Variants in ZFYVE9 observed in about 807,000 individuals in gnomAD.
ZFYVE9 encodes zinc finger FYVE-type containing 9, also known as zinc finger FYVE domain-containing protein 9.
ZFYVE9 carries 43 observed loss-of-function variants against 126.7 expected under a neutral mutation model. The observed-to-expected ratio is 0.34, with a 90% CI of 0.27 to 0.44. ZFYVE9 has a LOEUF of 0.44. ZFYVE9 is among the 20% of genes least tolerant of loss of function. The probability of loss-of-function intolerance (pLI) is 1.00; values close to 1 mark genes in which losing one functional copy is unlikely to be tolerated. For synonymous variants in ZFYVE9, 521 were observed against 597.4 expected (o/e 0.87, Z 1.87); for missense variants, 1,476 against 1,697.0 (o/e 0.87, Z 2.29).
chr1:52,346,213 A>G lies in ZFYVE9; in HGVS notation c.4270A>G (p.Ile1424Val). 6.3e-7 allele frequency: 1 copy of G among 1,597,604 alleles called. No homozygotes were observed. The highest frequency in any genetic ancestry group is 2.2e-5 in the East Asian group (1 of 44,486). Reference sequence around the variant, plus strand: ...ACTCATCTTTTATATTCTGGAAAACATCGTATAAACAGAGAAGACTTCATT... The same window carrying G: ...ACTCATCTTTTATATTCTGGAAAACGTCGTATAAACAGAGAAGACTTCATT... ...MELIFYILEN[I>V]V Residue 1424 changes from isoleucine to valine, a missense_variant, in exon 19 of 19, where the codon ATC becomes GTC. Around this residue, in one of 2 missense-constraint regions of ZFYVE9, gnomAD observed 669 missense variants for 902.4 expected, o/e 0.74. Coordinates refer to ENST00000287727, the MANE Select transcript of ZFYVE9 (RefSeq NM_004799.4).
At chr1:52,226,026 G>C (rs768172612) in intron 2 of ZFYVE9, among the ~76,000 whole-genome samples, 4 of 152,210 alleles carry the variant, frequency 2.6e-5, no homozygotes, top group Non-Finnish European at 5.9e-5. Flanking sequence ...TTATAGTCCA[G>C]CTTGAGGAGG....
chr1:52,208,240 A>G (rs1013608360), intron 1 of ZFYVE9, among the ~76,000 whole-genome samples: 1 of 152,176 alleles, frequency 6.6e-6, no homozygotes, highest in Non-Finnish European at 1.5e-5. Context: ...TGTTGCTTCT[A>G]CCAAACTCCA....
chr1:52,254,361 C>A, intron 4 of ZFYVE9, among the ~76,000 whole-genome samples: 1 of 145,142 alleles, frequency 6.9e-6, no homozygotes. Context: ...TAATAAAGCT[C>A]ACATATTTTA....
At chr1:52,327,980 A>G (rs556595744) in intron 13 of ZFYVE9, among the ~76,000 whole-genome samples, 2 of 132,940 alleles carry the variant, frequency 1.5e-5, no homozygotes, top group Admixed American at 1.4e-4. Context: ...TCTCAAAAAG[A>G]AAAAAAAAAA....
chr1:52,268,871 T>G (rs1645660181), intron 7 of ZFYVE9, among the ~76,000 whole-genome samples: 2 of 152,194 alleles, frequency 1.3e-5, no homozygotes, highest in African/African-American at 2.4e-5. Flanking sequence ...GCTCAGGTGC[T>G]CCACTTTAGC....
At chr1:52,156,835 ATTC>A (rs1644406933) in intron 1 of ZFYVE9, among the ~76,000 whole-genome samples, 1 of 137,030 alleles carries the variant, frequency 7.3e-6, no homozygotes, top group African/African-American at 2.6e-5. Flanking sequence ...CTTTAGTGAC[ATTC>A]TTTTTTTTTT....
intron 8 of ZFYVE9, among the ~76,000 whole-genome samples, chr1:52,277,045 T>A (rs753354062): frequency 2.2e-4 from 33 of 152,326 alleles, no homozygotes; most frequent in Non-Finnish European, 4.1e-4. Context: ...TGCATAATGC[T>A]TTTGCTTCTT....
rs139910986 is a variant in ZFYVE9 at position 52,244,140 on chromosome 1, T to TG, written c.2178+4548dup. On this transcript the variant is annotated intron_variant, in intron 4 of 18. Transcript: ENST00000287727. Reference sequence around the variant, plus strand: ...TGGAGCAATGTTTACAGAAGCCAGATGGGAATGGGTTGAAAGTGGAATATG... The same window carrying TG: ...TGGAGCAATGTTTACAGAAGCCAGATGGGGAATGGGTTGAAAGTGGAATATG... Among the ~76,000 whole-genome samples the TG allele has an allele frequency of 7.0e-3, 1,066 of 152,068 alleles. 14 individuals are homozygous for TG. The highest frequency in any genetic ancestry group is 0.024 in the African/African-American group (1,014 of 41,472).
intron 1 of ZFYVE9, among the ~76,000 whole-genome samples, chr1:52,172,277 T>A (rs1644580058): frequency 6.6e-6 from 1 of 151,876 alleles, no homozygotes; most frequent in Non-Finnish European, 1.5e-5. Context: ...CCATTGCTTG[T>A]TTATCTCAGA....
chr1:52,239,162 A>G lies in ZFYVE9; in HGVS notation c.1745A>G (p.Lys582Arg). 1 of 1,614,136 alleles carries G rather than the reference A, an allele frequency of 6.2e-7. No homozygotes were observed. Among genetic ancestry groups the G allele is most frequent in the Non-Finnish European group, 8.5e-7 (1 of 1,180,008 alleles). ...ISVPFGGARP[K>R]QPSNLKLQIP... is the part of the protein sequence containing the mutation. ...GTTCCTTTTGGTGGTGCAAGACCCA[A>G]GCAACCTTCTAATCTTAAACTTCAA... Residue 582 changes from lysine (K) to arginine (R), a missense_variant, in exon 4 of 19, where the codon AAG becomes AGG. By Grantham distance (26) the Lys-to-Arg change is conservative (BLOSUM62 2). Transcript: ENST00000287727.
intron 12 of ZFYVE9, among the ~76,000 whole-genome samples, chr1:52,296,196 T>TA (rs1482705404): frequency 6.7e-6 from 1 of 148,892 alleles, no homozygotes; most frequent in African/African-American, 2.6e-5. Context: ...CACACACACA[T>TA]ATATATATTC....
At chr1:52,283,360 T>C (rs1202183325) in intron 10 of ZFYVE9, among the ~76,000 whole-genome samples, 1 of 152,194 alleles carries the variant, frequency 6.6e-6, no homozygotes, top group African/African-American at 2.4e-5. Context: ...GAAGAACCAT[T>C]GAAAGTATTT....
In ZFYVE9 at chr1:52,337,839, G is replaced by A; in HGVS notation, c.3738G>A (p.Lys1246=). The A allele has an allele frequency of 6.2e-7, 1 of 1,614,252 alleles. No individual in the cohort carries two copies. Among genetic ancestry groups the A allele is most frequent in the South Asian group, 1.1e-5 (1 of 91,086 alleles). ...DSLRQALREM[K]DFTITCGKAD... is the part of the protein sequence containing the mutation. ...TGAGGCAGGCACTGCGAGAGATGAA[G>A]GACTTCACCATCACCTGTGGGAAGG... Residue 1246 remains lysine, a synonymous_variant, in exon 16 of 19, where the codon AAG becomes AAA. Coordinates refer to ENST00000287727, the MANE Select transcript of ZFYVE9 (RefSeq NM_004799.4).
intron 1 of ZFYVE9, among the ~76,000 whole-genome samples, chr1:52,211,205 C>T (rs556263749): frequency 1.3e-5 from 2 of 152,192 alleles, no homozygotes; most frequent in South Asian, 4.2e-4. Flanking sequence ...TTGTTATACT[C>T]CATTAGATGA....
At chr1:52,266,405 T>TAAAAAAAAAAAAAAAAAAAAA (rs33996604) in intron 5 of ZFYVE9, among the ~76,000 whole-genome samples, 1 of 85,628 alleles carries the variant, frequency 1.2e-5, no homozygotes, top group African/African-American at 4.8e-5. Context: ...TCTAATTCTT[T>TAAAAAAAAAAAAAAAAAAAAA]AAAAAAAAAA....
intron 13 of ZFYVE9, among the ~76,000 whole-genome samples, chr1:52,305,390 T>C (rs1222885835): frequency 2.0e-5 from 3 of 152,160 alleles, no homozygotes; most frequent in Non-Finnish European, 2.9e-5. Flanking sequence ...GATCTCACCA[T>C]TGGACTCCAG....
intron 1 of ZFYVE9, among the ~76,000 whole-genome samples, chr1:52,198,120 G>GTTTTTTTTTTTT (rs373096573): frequency 0.013 from 1,390 of 110,868 alleles, 61 homozygotes; most frequent in Non-Finnish European, 0.018. Flanking sequence ...GTTTTTTTTT[G>GTTTTTTTTTTTT]TTTGTTTTTT....
chr1:52,323,196 A>G (rs940541668), intron 13 of ZFYVE9, among the ~76,000 whole-genome samples: 7 of 152,078 alleles, frequency 4.6e-5, no homozygotes, highest in African/African-American at 1.7e-4. Context: ...AGGGCATGCT[A>G]CCTTACTGCC....
At chr1:52,342,929 C>T (rs1343758959) in intron 17 of ZFYVE9, among the ~76,000 whole-genome samples, 16 of 148,610 alleles carry the variant, frequency 1.1e-4, no homozygotes, top group South Asian at 2.1e-4. Flanking sequence ...TTTTTTGAGA[C>T]GGAGTCTCAC....
Sources: allele counts gnomAD v4.1 joint callset (sites outside exome capture counted in the v4.1 genomes callset), GRCh38; gene constraint gnomAD v4.1.1; regional missense constraint gnomAD v4.1.1; transcripts MANE v1.5; gene names NCBI Gene and HGNC (gene_info 2026-07-23, HGNC 2026-07-21).